Variants in CNOT6L observed in about 807,000 individuals in gnomAD.
The protein encoded by CNOT6L is CCR4-NOT transcription complex subunit 6 like, also known as CCR4-NOT transcription complex subunit 6-like.
A neutral mutation model predicts 64.0 loss-of-function variants in CNOT6L; 7 were observed. The observed-to-expected ratio is 0.11, with a 90% CI of 0.06 to 0.21. CNOT6L has a LOEUF of 0.21. Among genes scored for constraint, CNOT6L ranks in the 10% least tolerant of loss-of-function variants. The pLI is 1.00. For missense variants in CNOT6L, 245 were observed against 669.0 expected, an observed-to-expected ratio of 0.37 and a Z score of 6.99; for synonymous variants, 193 against 243.4, an observed-to-expected ratio of 0.79 and a Z score of 1.93.
intron 2 of CNOT6L, among the ~76,000 whole-genome samples, 158 bp downstream of exon 2, chr4:77,776,113 T>C (rs1420153478): frequency 1.3e-5 from 2 of 152,190 alleles, no homozygotes; most frequent in Non-Finnish European, 1.5e-5. Flanking sequence ...AACAAAGATA[T>C]TCAGTCACAC....
chr4:77,754,888 T>TAAAA lies in CNOT6L; in HGVS notation c.490+1970_490+1973dup. 3.8e-3 allele frequency among the ~76,000 whole-genome samples: 140 copies of TAAAA among 36,924 alleles called. 18 individuals carry two copies. The Admixed American group carries it at 0.04, about 11-fold the overall frequency. 24.2% of individuals were successfully genotyped at this position (36,924 alleles called of 152,430 possible). On this transcript the variant is annotated intron_variant, in intron 5 of 11. Coordinates refer to ENST00000504123, the MANE Select transcript of CNOT6L (RefSeq NM_144571.3). ...AAAACCTAATTCTAAACATTAGAAG[T>TAAAA]AAAAAAAAAAAAAAAAAAAAAAAAA...
At chr4:77,761,320 T>A (rs1257247876) in intron 4 of CNOT6L, among the ~76,000 whole-genome samples, 1 of 152,072 alleles carries the variant, frequency 6.6e-6, no homozygotes, top group Non-Finnish European at 1.5e-5. Flanking sequence ...AGGAGAAAGC[T>A]GACATGGCTA....
intron 1 of CNOT6L, among the ~76,000 whole-genome samples, chr4:77,793,816 T>C (rs1730460598): frequency 1.3e-5 from 2 of 152,086 alleles, no homozygotes; most frequent in Non-Finnish European, 2.9e-5. Context: ...TACTAAAATG[T>C]CTCCCATGAA....
intron 1 of CNOT6L, among the ~76,000 whole-genome samples, chr4:77,778,920 G>A (rs867460342): frequency 1.3e-5 from 2 of 151,240 alleles, no homozygotes; most frequent in African/African-American, 2.4e-5. Flanking sequence ...GGTGGCGGGC[G>A]CCTGTAGTCC....
intron 5 of CNOT6L, among the ~76,000 whole-genome samples, chr4:77,753,619 C>T (rs559880642): frequency 3.1e-4 from 47 of 151,898 alleles, no homozygotes; most frequent in Non-Finnish European, 5.9e-4. Context: ...TGCAGTGAGT[C>T]GAGATCATGC....
intron 7 of CNOT6L, chr4:77,742,605 G>A: frequency 3.3e-6 from 1 of 300,224 alleles, no homozygotes; most frequent in Non-Finnish European, 6.4e-6. Context: ...CCTCAAGACT[G>A]GCAACTAAAC....
chr4:77,779,300 T>C (rs1418375999), intron 1 of CNOT6L, among the ~76,000 whole-genome samples: 1 of 152,066 alleles, frequency 6.6e-6, no homozygotes, highest in Non-Finnish European at 1.5e-5. Flanking sequence ...CCTCCCTTCC[T>C]ACTCATCTCA....
chr4:77,791,598 T>C (rs889925391), intron 1 of CNOT6L, among the ~76,000 whole-genome samples: 1 of 152,198 alleles, frequency 6.6e-6, no homozygotes, highest in Non-Finnish European at 1.5e-5. Flanking sequence ...GTTTTGTTAT[T>C]ATAAGCCTAA....
chr4:77,734,437 A>C (rs573199724), intron 8 of CNOT6L, among the ~76,000 whole-genome samples: 2 of 152,154 alleles, frequency 1.3e-5, no homozygotes, highest in Non-Finnish European at 2.9e-5. Context: ...TTCCAAATCA[A>C]TTTTGATGAC....
intron 1 of CNOT6L, among the ~76,000 whole-genome samples, chr4:77,801,456 C>A (rs1731540429): frequency 6.6e-6 from 1 of 152,042 alleles, no homozygotes; most frequent in Non-Finnish European, 1.5e-5. Flanking sequence ...CTAACCAATA[C>A]AGAATAATTT....
intron 3 of CNOT6L, 41 bp from the exon 4 acceptor site, chr4:77,773,207 GT>G: frequency 8.2e-7 from 1 of 1,221,200 alleles, no homozygotes; most frequent in Non-Finnish European, 1.1e-6. Context: ...AATATACTAA[GT>G]TTTATTAACA....
At chr4:77,773,373 T>C (rs1301554344) in intron 3 of CNOT6L, among the ~76,000 whole-genome samples, 1 of 152,222 alleles carries the variant, frequency 6.6e-6, no homozygotes, top group African/African-American at 2.4e-5. Flanking sequence ...GTTCTATTTC[T>C]AGGATTTACT....
intron 11 of CNOT6L, among the ~76,000 whole-genome samples, chr4:77,721,525 A>G (rs1056755314): frequency 6.6e-6 from 1 of 152,236 alleles, no homozygotes; most frequent in Non-Finnish European, 1.5e-5. Context: ...GTTCCAGCCA[A>G]TACTTTAAAT....
At chr4:77,762,680 A>G (rs1726376538) in intron 4 of CNOT6L, among the ~76,000 whole-genome samples, 1 of 152,174 alleles carries the variant, frequency 6.6e-6, no homozygotes, top group Non-Finnish European at 1.5e-5. Flanking sequence ...TACACACAAC[A>G]TGAATGAACC....
intron 1 of CNOT6L, among the ~76,000 whole-genome samples, chr4:77,788,315 A>C (rs1274179980): frequency 6.6e-6 from 1 of 152,242 alleles, no homozygotes; most frequent in Non-Finnish European, 1.5e-5. Flanking sequence ...TATACAAGAC[A>C]AAATGAAAAG....
At chr4:77,746,376 T>C (rs1210349023) in intron 6 of CNOT6L, among the ~76,000 whole-genome samples, 3 of 152,172 alleles carry the variant, frequency 2.0e-5, no homozygotes, top group African/African-American at 7.2e-5. Flanking sequence ...CCATATAGTT[T>C]ATCATGTTTT....
chr4:77,790,518 T>C (rs1730007492), intron 1 of CNOT6L, among the ~76,000 whole-genome samples: 1 of 152,200 alleles, frequency 6.6e-6, no homozygotes, highest in African/African-American at 2.4e-5. Context: ...TATATTATTT[T>C]GCATTCTCAC....
chr4:77,779,343 T>C (rs1301246170), intron 1 of CNOT6L, among the ~76,000 whole-genome samples: 5 of 152,122 alleles, frequency 3.3e-5, no homozygotes, highest in African/African-American at 4.8e-5. Flanking sequence ...TTTCTAAAAA[T>C]TGATACAAAG....
intron 1 of CNOT6L, among the ~76,000 whole-genome samples, chr4:77,787,391 A>G (rs1273870889): frequency 6.6e-6 from 1 of 152,178 alleles, no homozygotes; most frequent in East Asian, 1.9e-4. Context: ...GAGTGGGCCT[A>G]TATCCTCTAA....
Sources: allele counts gnomAD v4.1 joint callset (sites outside exome capture counted in the v4.1 genomes callset), GRCh38; gene constraint gnomAD v4.1.1; transcripts MANE v1.5; gene names NCBI Gene and HGNC (gene_info 2026-07-23, HGNC 2026-07-21).